SGCD: variants seen among roughly 807,000 people sequenced by gnomAD.
SGCD encodes the protein sarcoglycan delta, also known as delta-sarcoglycan.
SGCD carries 18 observed loss-of-function variants against 36.6 expected under a neutral mutation model. That is an observed-to-expected ratio of 0.49 (90% CI 0.34 to 0.73). The LOEUF (loss-of-function observed/expected upper bound fraction) is 0.73. Ranked by LOEUF, SGCD falls within the 30% of genes least tolerant of loss-of-function variation. The pLI, the probability that SGCD is intolerant of heterozygous loss-of-function variation, is 0.01. For missense variants in SGCD, 387 were observed against 346.7 expected, an observed-to-expected ratio of 1.12 and a Z score of -0.92; for synonymous variants, 133 against 130.6, an observed-to-expected ratio of 1.02 and a Z score of -0.12.
rs142054638 is a variant in SGCD, at chr5:156,332,082, C to A, written c.3+2503C>A. Among the ~76,000 whole-genome samples the A allele has an allele frequency of 2.2e-4, 33 of 152,270 alleles. No individual in the cohort carries two copies. In the South Asian group the frequency reaches 6.8e-3, roughly 32 times the overall value. On this transcript the variant is annotated intron_variant, in intron 2 of 8. Transcript: ENST00000337851. ...AGGGGTCAGGAATATTGGTAATAGG[C>A]CAGTGTCTGGACAGCATAATTTTTA...
chr5:156,416,666 C>T (rs1773054186), intron 3 of SGCD, among the ~76,000 whole-genome samples: 1 of 152,200 alleles, frequency 6.6e-6, no homozygotes, highest in Non-Finnish European at 1.5e-5. Context: ...CTTGCTGTGT[C>T]ACCTTGGACA....
chr5:156,256,511 T>G (rs1469115075), intron 3 of SGCD, among the ~76,000 whole-genome samples: 1 of 152,230 alleles, frequency 6.6e-6, no homozygotes, highest in East Asian at 1.9e-4. Flanking sequence ...CATTTTTTTA[T>G]TGTCTAGTAT....
intron 1 of SGCD, among the ~76,000 whole-genome samples, chr5:156,077,599 A>G (rs375714615): frequency 6.6e-6 from 1 of 152,080 alleles, no homozygotes; most frequent in East Asian, 1.9e-4. Flanking sequence ...CATGGGGTAT[A>G]TCATATGATA....
chr5:156,368,892 G>A (rs1027654706), intron 3 of SGCD, among the ~76,000 whole-genome samples: 6 of 152,138 alleles, frequency 3.9e-5, no homozygotes, highest in Admixed American at 2.0e-4. Flanking sequence ...ATTATATATT[G>A]CAATGTAAAA....
chr5:155,764,625 G>A, the SGCD span, among the ~76,000 whole-genome samples: 2 of 152,168 alleles, frequency 1.3e-5, no homozygotes, highest in East Asian at 3.9e-4. Context: ...CTGGCATCAT[G>A]TCTGCTGATG....
At chr5:156,168,441 G>A (rs2127621044) in intron 3 of SGCD, among the ~76,000 whole-genome samples, 1 of 152,184 alleles carries the variant, frequency 6.6e-6, no homozygotes, top group Middle Eastern at 3.4e-3. Flanking sequence ...TGGGTGTAGT[G>A]GTGCTCACCT....
chr5:156,037,940 A>C (rs914311461), intron 1 of SGCD, among the ~76,000 whole-genome samples: 3 of 152,200 alleles, frequency 2.0e-5, no homozygotes, highest in Non-Finnish European at 1.5e-5. Context: ...CAATGAATAG[A>C]ACAAATAAAG....
At chr5:155,869,797 G>A (rs976943567), upstream of SGCD, among the ~76,000 whole-genome samples, 4 of 152,064 alleles carry the variant, frequency 2.6e-5, no homozygotes, top group South Asian at 4.1e-4. Context: ...TCAAGAGATC[G>A]AGACCAGCCT....
At chr5:156,622,680 T>C (rs111295789) in intron 6 of SGCD, among the ~76,000 whole-genome samples, 67 of 152,196 alleles carry the variant, frequency 4.4e-4, no homozygotes, top group African/African-American at 1.5e-3. Flanking sequence ...AGGACAATCA[T>C]GTAGAAGTAT....
At chr5:156,314,501 T>A (rs1767464878) in intron 3 of SGCD, among the ~76,000 whole-genome samples, 1 of 152,100 alleles carries the variant, frequency 6.6e-6, no homozygotes, top group Non-Finnish European at 1.5e-5. Flanking sequence ...TTTTCTGGTC[T>A]TCTCTCCATC....
At chr5:156,389,614 A>T (rs566622103) in intron 3 of SGCD, among the ~76,000 whole-genome samples, 8 of 152,124 alleles carry the variant, frequency 5.3e-5, no homozygotes, top group Non-Finnish European at 1.2e-4. Context: ...AAACTGTCCC[A>T]CTGATCTGAC....
At chr5:156,383,207 A>G (rs1771076648) in intron 3 of SGCD, among the ~76,000 whole-genome samples, 1 of 152,200 alleles carries the variant, frequency 6.6e-6, no homozygotes, top group Non-Finnish European at 1.5e-5. Context: ...TTTGATGCTT[A>G]GAAATAGAGG....
intron 3 of SGCD, among the ~76,000 whole-genome samples, chr5:156,254,804 G>T (rs529326358): frequency 6.6e-6 from 1 of 152,160 alleles, no homozygotes; most frequent in African/African-American, 2.4e-5. Context: ...CTATGATTAC[G>T]TCACTGCACT....
At chr5:155,739,987 C>CTT in the SGCD span, among the ~76,000 whole-genome samples, 1 of 152,196 alleles carries the variant, frequency 6.6e-6, no homozygotes, top group African/African-American at 2.4e-5. Flanking sequence ...CTTAAAGAAG[C>CTT]TTCTGCTGTG....
chr5:155,782,909 G>C, the SGCD span, among the ~76,000 whole-genome samples: 1 of 152,042 alleles, frequency 6.6e-6, no homozygotes, highest in Non-Finnish European at 1.5e-5. Flanking sequence ...ACCAGTCCCT[G>C]GTGCTAAAAA....
intron 3 of SGCD, among the ~76,000 whole-genome samples, chr5:156,260,547 TATA>T (rs1765832607): frequency 6.6e-6 from 1 of 152,182 alleles, no homozygotes; most frequent in Non-Finnish European, 1.5e-5. Context: ...ATATTGATAT[TATA>T]ATGTGTGATA....
At chr5:155,852,200 C>A in the SGCD span, among the ~76,000 whole-genome samples, 1 of 152,300 alleles carries the variant, frequency 6.6e-6, no homozygotes, top group Non-Finnish European at 1.5e-5. Context: ...TAAAAAATAA[C>A]CCTATCACTT....
chr5:155,886,525 T>C (rs2113305543), intron 1 of SGCD, among the ~76,000 whole-genome samples: 1 of 149,860 alleles, frequency 6.7e-6, no homozygotes, highest in African/African-American at 2.5e-5. Flanking sequence ...TGTGTGTGCG[T>C]GGGCGCGTGT....
intron 3 of SGCD, among the ~76,000 whole-genome samples, chr5:156,248,622 G>T (rs905339514): frequency 6.6e-6 from 1 of 152,124 alleles, no homozygotes; most frequent in Admixed American, 6.6e-5. Flanking sequence ...CATGCTGGGC[G>T]CTGGGCTTCG....
Sources: allele counts gnomAD v4.1 joint callset (sites outside exome capture counted in the v4.1 genomes callset), GRCh38; gene constraint gnomAD v4.1.1; transcripts MANE v1.5; gene names NCBI Gene and HGNC (gene_info 2026-07-23, HGNC 2026-07-21).